The following RAD52 variants were observed in gnomAD, a reference collection of about 807,000 sequenced individuals.
RAD52 encodes the protein RAD52 DNA repair protein, also known as DNA repair protein RAD52 homolog.
Under a neutral mutation model 55.5 loss-of-function variants are expected in RAD52, and 47 were observed. That is an observed-to-expected ratio of 0.85 (90% CI 0.67 to 1.08). The LOEUF (loss-of-function observed/expected upper bound fraction) is 1.08. Among genes scored for constraint, RAD52 ranks in the 50% least tolerant of loss-of-function variants. RAD52 has a pLI of 0.00. For missense variants in RAD52, 468 were observed against 522.8 expected (o/e 0.90, Z 1.02); for synonymous variants, 184 against 198.9 (o/e 0.92, Z 0.63).
chr12:964,205 T>C (rs191185783), intron 1 of RAD52, among the ~76,000 whole-genome samples: 130 of 152,308 alleles, frequency 8.5e-4, no homozygotes, highest in African/African-American at 2.9e-3. Flanking sequence ...TGTTTATCTA[T>C]GTAAGTTTTA....
intron 1 of RAD52, among the ~76,000 whole-genome samples, chr12:983,369 A>C (rs903120545): frequency 2.0e-5 from 3 of 151,954 alleles, no homozygotes; most frequent in African/African-American, 7.3e-5. Flanking sequence ...GGAATCTGGA[A>C]GTCCAAGATC....
intron 1 of RAD52, among the ~76,000 whole-genome samples, chr12:937,158 T>TTA (rs1351593667): frequency 6.6e-6 from 1 of 152,176 alleles, no homozygotes; most frequent in Admixed American, 6.5e-5. Context: ...TGGAATGCAG[T>TTA]TATGTATACA....
At chr12:933,591 G>T (rs765030372) in intron 1 of RAD52, among the ~76,000 whole-genome samples, 24 of 152,164 alleles carry the variant, frequency 1.6e-4, no homozygotes, top group Non-Finnish European at 2.8e-4. Flanking sequence ...ATTCTTTAAG[G>T]TCTACTTCTA....
chr12:931,210 A>T lies in RAD52; in HGVS notation c.186+10T>A. The stretch of plus-strand genomic sequence containing the variant: ...GGATGCCTGCTTTCCAGGCACATGA[A>T]TTCTCCTACCTTCTGGCCTCCGCCA... On this transcript the variant is annotated intron_variant, in intron 3 of 11. Transcript: ENST00000358495. 2 of 1,609,556 alleles carry T rather than the reference A, an allele frequency of 1.2e-6. No homozygotes were observed. Among genetic ancestry groups the T allele is most frequent in the East Asian group, 4.5e-5 (2 of 44,752 alleles).
At chr12:964,360 G>T (rs542772675) in intron 1 of RAD52, among the ~76,000 whole-genome samples, 2 of 152,130 alleles carry the variant, frequency 1.3e-5, no homozygotes, top group African/African-American at 4.8e-5. Flanking sequence ...CTGAGGTCAG[G>T]AGTTTGAGAC....
Sources: gnomAD v4.1 joint callset for allele counts (sites outside exome capture counted in the v4.1 genomes callset) on GRCh38, gnomAD v4.1.1 for gene constraint, MANE v1.5 for transcripts, NCBI Gene and HGNC (gene_info 2026-07-23, HGNC 2026-07-21) for gene names.